The following ABCC9 variants were observed in gnomAD, a reference collection of about 807,000 sequenced individuals.
ABCC9 encodes ATP binding cassette subfamily C member 9.
In ABCC9, 95 loss-of-function variants were observed where a neutral mutation model predicts 188.3. The ratio of observed to expected loss-of-function variants is 0.50; its 90% CI spans 0.43 to 0.60. The LOEUF (loss-of-function observed/expected upper bound fraction) is 0.60. Ranked by LOEUF, ABCC9 falls within the 20% of genes least tolerant of loss-of-function variation. ABCC9 has a pLI of 0.00. For synonymous variants in ABCC9, 659 were observed against 652.7 expected, an observed-to-expected ratio of 1.01 and a Z score of -0.15; for missense variants, 1,102 against 1,876.3, an observed-to-expected ratio of 0.59 and a Z score of 7.62.
chr12:21,802,604 C>T (rs1941532232), intron 39 of ABCC9, among the ~76,000 whole-genome samples: 1 of 152,140 alleles, frequency 6.6e-6, no homozygotes. Flanking sequence ...ACACTTATGG[C>T]ACTTCTCAAT....
intron 24 of ABCC9, among the ~76,000 whole-genome samples, chr12:21,850,726 C>T (rs1005209583): frequency 1.3e-5 from 2 of 152,054 alleles, no homozygotes; most frequent in South Asian, 2.1e-4. Context: ...CTTAAGTTTA[C>T]GTCATCTTCT....
At position 21,915,875 on chromosome 12, in the gene ABCC9, C is replaced by T. The variant is rs139669232; in HGVS notation, c.609G>A (p.Lys203=). 1.2e-6 allele frequency: 2 copies of T among 1,612,852 alleles called. No homozygotes were observed. Among genetic ancestry groups the T allele is most frequent in the Non-Finnish European group, 8.5e-7 (1 of 1,179,282 alleles). The part of the protein sequence containing the change: ...YVFFMNPQKV[K]PPEDLQDLGV... The stretch of plus-strand genomic sequence containing the variant: ...CCAGATCCTGGAGGTCTTCAGGAGG[C>T]TTTACTTTCTGAGGATTCATGAAAA... The change falls in exon 7 of 40, where the codon AAG becomes AAA. Residue 203 remains lysine, a synonymous_variant. Coordinates refer to ENST00000261200, the MANE Select transcript of ABCC9 (RefSeq NM_020297.4).
intron 4 of ABCC9, among the ~76,000 whole-genome samples, chr12:21,928,985 T>G (rs952278859): frequency 6.6e-6 from 1 of 152,094 alleles, no homozygotes; most frequent in African/African-American, 2.4e-5. Context: ...GGAAAGAAAT[T>G]TTTAAAGTAT....
At chr12:21,821,436 T>C (rs1050033083) in intron 31 of ABCC9, among the ~76,000 whole-genome samples, 2 of 152,116 alleles carry the variant, frequency 1.3e-5, no homozygotes, top group Non-Finnish European at 2.9e-5. Context: ...TATATTTTAC[T>C]ATTTTAATTG....
intron 30 of ABCC9, among the ~76,000 whole-genome samples, chr12:21,834,521 C>G (rs1313432767): frequency 2.6e-5 from 4 of 151,954 alleles, no homozygotes; most frequent in Non-Finnish European, 4.4e-5. Flanking sequence ...CCAGAAGGTG[C>G]CATTTGGATA....
intron 7 of ABCC9, among the ~76,000 whole-genome samples, chr12:21,915,257 G>GTATATAA (rs1294149279): frequency 1.8e-4 from 21 of 116,706 alleles, no homozygotes; most frequent in African/African-American, 3.2e-4. Context: ...GTGTGTGTGT[G>GTATATAA]TGTGTATATA....
At position 21,844,872 on chromosome 12, in the gene ABCC9, A is replaced by G. The variant is rs1204921894; in HGVS notation, c.3140T>C (p.Ile1047Thr). ...AGFSILCGAG[I>T]FLCLVTSLTV... ...GAGGGATGTAACAAGGCAAAGGAAA[A>G]TGCCTGCTCCACAGAGTATGCTAAA... The change falls in exon 27 of 40, where the codon ATT (isoleucine) becomes ACT (threonine). Residue 1047 changes from isoleucine to threonine, a missense_variant. By Grantham distance (89) the Ile-to-Thr change is moderately conservative (BLOSUM62 -1). Coordinates refer to ENST00000261200, the MANE Select transcript of ABCC9 (RefSeq NM_020297.4). 1 of 1,613,932 alleles carries G rather than the reference A, an allele frequency of 6.2e-7. No individual in the cohort carries two copies. Among genetic ancestry groups the G allele is most frequent in the South Asian group, 1.1e-5 (1 of 91,074 alleles).
chr12:21,877,902 C>G (rs565916782), intron 16 of ABCC9, among the ~76,000 whole-genome samples: 1 of 152,128 alleles, frequency 6.6e-6, no homozygotes, highest in Non-Finnish European at 1.5e-5. Flanking sequence ...TAGCACTCAG[C>G]AGCCTGGTTA....
intron 23 of ABCC9, 66 bp from the exon 24 acceptor site, chr12:21,852,288 A>G: frequency 6.2e-7 from 1 of 1,613,314 alleles, no homozygotes; most frequent in East Asian, 2.2e-5. Flanking sequence ...AACTACCTTT[A>G]TTTCAGAAAG....
chr12:21,854,809 A>C (rs1218583189), intron 22 of ABCC9, among the ~76,000 whole-genome samples: 1 of 152,226 alleles, frequency 6.6e-6, no homozygotes, highest in Non-Finnish European at 1.5e-5. Flanking sequence ...TTTAACATAG[A>C]AGTTATAATG....
At chr12:21,938,543 C>G (rs192259077) in intron 2 of ABCC9, among the ~76,000 whole-genome samples, 11 of 152,002 alleles carry the variant, frequency 7.2e-5, no homozygotes, top group Non-Finnish European at 1.3e-4. Flanking sequence ...AGACTACTTC[C>G]TTTATTTAGT....
chr12:21,801,633 G>A (rs781027586), intron 39 of ABCC9, among the ~76,000 whole-genome samples: 5 of 152,166 alleles, frequency 3.3e-5, no homozygotes, highest in Admixed American at 6.6e-5. Flanking sequence ...ATGACAATAT[G>A]GGGAAGTCCA....
At chr12:21,875,555 A>G in intron 17 of ABCC9, 99 bp downstream of exon 17, 1 of 872,568 alleles carries the variant, frequency 1.1e-6, no homozygotes, top group Non-Finnish European at 1.9e-6. Flanking sequence ...AATAATATTT[A>G]TGTCTTTAAA....
At chr12:21,880,258 A>G (rs1946556124) in intron 16 of ABCC9, among the ~76,000 whole-genome samples, 1 of 152,152 alleles carries the variant, frequency 6.6e-6, no homozygotes, top group Non-Finnish European at 1.5e-5. Flanking sequence ...TGTGTATTAA[A>G]GGACTAAAGT....
chr12:21,914,976 C>A (rs897467141), intron 7 of ABCC9, among the ~76,000 whole-genome samples: 69 of 151,380 alleles, frequency 4.6e-4, no homozygotes, highest in Non-Finnish European at 8.8e-4. Flanking sequence ...TCTCGGCTCA[C>A]CACAACTTTC....
At chr12:21,824,131 T>TA in intron 31 of ABCC9, among the ~76,000 whole-genome samples, 1 of 152,324 alleles carries the variant, frequency 6.6e-6, no homozygotes, top group African/African-American at 2.4e-5. Context: ...TGTATTTTTT[T>TA]AAAAACATAA....
intron 5 of ABCC9, chr12:21,924,615 C>T (rs1225340557): frequency 5.3e-5 from 8 of 151,928 alleles, no homozygotes; most frequent in Middle Eastern, 3.2e-3. Context: ...AATAATAGGC[C>T]TCTTCTGATT....
chr12:21,871,459 A>C (rs908839755), intron 18 of ABCC9, among the ~76,000 whole-genome samples: 2 of 152,200 alleles, frequency 1.3e-5, no homozygotes, highest in Non-Finnish European at 2.9e-5. Flanking sequence ...AACAGGATTT[A>C]CACTTCTAAT....
chr12:21,800,338 T>C lies in ABCC9; in HGVS notation c.*706A>G, dbSNP rs1384859847. The C allele has an allele frequency of 6.6e-6, 1 of 152,204 alleles. No homozygotes were observed. The highest frequency in any genetic ancestry group is 1.5e-5 in the Non-Finnish European group (1 of 68,048). The allele number at this position is 152,204 out of a possible 1,614,324, so 9.4% of individuals were successfully genotyped here. On this transcript the variant is annotated 3_prime_UTR_variant, in exon 40 of 40. Transcript: ENST00000261200. ...TCTTTGAACTTCAGTCTGGAAAAGG[T>C]ACATACATTATGCCTGATATCTTAA...
Sources: allele counts gnomAD v4.1 joint callset (sites outside exome capture counted in the v4.1 genomes callset), GRCh38; gene constraint gnomAD v4.1.1; transcripts MANE v1.5; gene names NCBI Gene and HGNC (gene_info 2026-07-23, HGNC 2026-07-21).